Variants in VAMP4 observed in about 807,000 individuals in gnomAD.
VAMP4 encodes the protein vesicle-associated membrane protein 4.
VAMP4 carries 19 observed loss-of-function variants against 23.5 expected under a neutral mutation model. The ratio of observed to expected loss-of-function variants is 0.81; its 90% confidence interval spans 0.56 to 1.19. The LOEUF (loss-of-function observed/expected upper bound fraction) is 1.19, where lower values mean the gene tolerates loss of function less well. Ranked by LOEUF, VAMP4 falls within the 50% of genes most tolerant of loss-of-function variation. The pLI, the probability that VAMP4 is intolerant of heterozygous loss-of-function variation, is 0.00. For synonymous variants in VAMP4, 31 were observed against 51.0 expected, an observed-to-expected ratio of 0.61 and a Z score of 1.67; for missense variants, 145 against 168.6, an observed-to-expected ratio of 0.86 and a Z score of 0.78.
intron 6 of VAMP4, 27 bp from the exon 7 acceptor site, chr1:171,706,445 TTAA>T: frequency 6.3e-7 from 1 of 1,591,542 alleles, no homozygotes. Context: ...GGCATATATA[TTAA>T]TATTTGACTT....
intron 4 of VAMP4, among the ~76,000 whole-genome samples, chr1:171,714,118 G>A (rs532725420): frequency 6.6e-6 from 1 of 152,256 alleles, no homozygotes; most frequent in East Asian, 1.9e-4. Flanking sequence ...ACTCAATGAT[G>A]TAAAATCTCA....
At chr1:171,706,466 A>G (rs770959366) in intron 6 of VAMP4, 48 bp from the exon 7 acceptor site, 4 of 1,538,292 alleles carry the variant, frequency 2.6e-6, no homozygotes, top group Non-Finnish European at 2.7e-6. Context: ...CTTGTTAATA[A>G]AGTCAAGACT....
chr1:171,724,606 T>A (rs2124857637), intron 3 of VAMP4, among the ~76,000 whole-genome samples: 1 of 152,314 alleles, frequency 6.6e-6, no homozygotes, highest in South Asian at 2.1e-4. Context: ...ACTATGCTCA[T>A]GGGTCAGAAA....
At chr1:171,740,054 A>G (rs763599232) in intron 1 of VAMP4, among the ~76,000 whole-genome samples, 6 of 152,262 alleles carry the variant, frequency 3.9e-5, no homozygotes. Context: ...AGTGATACAC[A>G]TGCATTTTCT....
Position 171,703,710 on chromosome 1 carries a change from G to GGACT in VAMP4, c.*792_*795dup. 1 of 152,032 alleles carries GGACT rather than the reference G, an allele frequency of 6.6e-6. No individual in the cohort carries two copies. The highest frequency in any genetic ancestry group is 6.6e-5 in the Admixed American group (1 of 15,190). The allele number at this position is 152,032 out of a possible 1,614,324, so 9.4% of individuals were successfully genotyped here. ...CTGTAAATTTCATTTACTCACATTA[G>GGACT]GACTGACTGGTCTCTCTTTATTGGA... On this transcript the variant is annotated 3_prime_UTR_variant, in exon 8 of 8. Coordinates refer to ENST00000236192, the MANE Select transcript of VAMP4 (RefSeq NM_003762.5).
Position 171,719,055 on chromosome 1 carries a change from T to A in VAMP4, c.164+116A>T, listed in dbSNP as rs1006517662. 3.6e-6 allele frequency: 3 copies of A among 841,604 alleles called. No homozygotes were observed. In the Admixed American group the frequency reaches 8.4e-5, roughly 24 times the overall value. The allele number at this position is 841,604 out of a possible 1,614,324, so 52.1% of individuals were successfully genotyped here. Reference sequence around the variant, plus strand: ...ACAAATGGGCATGGCTATGTTCCAATAAAACTTTATTTACAAAAACAGGCT... The same window carrying A: ...ACAAATGGGCATGGCTATGTTCCAAAAAAACTTTATTTACAAAAACAGGCT... On this transcript the variant is annotated intron_variant, in intron 4 of 7. Coordinates refer to ENST00000236192, the MANE Select transcript of VAMP4 (RefSeq NM_003762.5).
At chr1:171,734,933 T>C (rs1655689978) in intron 2 of VAMP4, among the ~76,000 whole-genome samples, 1 of 152,350 alleles carries the variant, frequency 6.6e-6, no homozygotes, top group African/African-American at 2.4e-5. Flanking sequence ...TAAGGTTTAC[T>C]ATTGTTTTTC....
chr1:171,732,423 G>C (rs1054720207), intron 2 of VAMP4, among the ~76,000 whole-genome samples: 15 of 151,272 alleles, frequency 9.9e-5, no homozygotes, highest in East Asian at 3.9e-4. Flanking sequence ...TGTAGTCCTA[G>C]CTATTCAGCA....
chr1:171,700,597 T>C lies in VAMP4; in HGVS notation c.*3909A>G, dbSNP rs1654396023. 1 of 152,162 alleles carries C rather than the reference T, an allele frequency of 6.6e-6. No individual in the cohort carries two copies. Among genetic ancestry groups the C allele is most frequent in the Admixed American group, 6.5e-5 (1 of 15,288 alleles). 9.4% of individuals were successfully genotyped at this position (152,162 alleles called of 1,614,324 possible). On this transcript the variant is annotated 3_prime_UTR_variant, in exon 8 of 8. Transcript: ENST00000236192. Reference sequence around the variant, plus strand: ...AAGCCAGAGTTTTTCCACACCCAATTACAGTAGAAGAGCACCCCTATATCC... The same window carrying C: ...AAGCCAGAGTTTTTCCACACCCAATCACAGTAGAAGAGCACCCCTATATCC...
chr1:171,704,771 A>T (rs956037418), intron 7 of VAMP4, among the ~76,000 whole-genome samples: 2 of 152,050 alleles, frequency 1.3e-5, no homozygotes, highest in Non-Finnish European at 2.9e-5. Context: ...CATAGCTTGT[A>T]TCTGCTGTTA....
intron 3 of VAMP4, 121 bp from the exon 4 acceptor site, chr1:171,719,342 A>C: frequency 1.3e-6 from 1 of 770,326 alleles, no homozygotes; most frequent in African/African-American, 1.8e-5. Flanking sequence ...TGGATCAGTT[A>C]TTTATCATAA....
At position 171,703,939 on chromosome 1, in the gene VAMP4, TTAC is replaced by T. The variant is rs1654563174; in HGVS notation, c.*564_*566del. On this transcript the variant is annotated 3_prime_UTR_variant, in exon 8 of 8. Coordinates refer to ENST00000236192, the MANE Select transcript of VAMP4 (RefSeq NM_003762.5). ...TTCTCTTACACAGTCAAAAATATATTTACTGGAATGTTTTTAGTTATACCTGAG... is the reference window on the plus strand; with the variant it reads ...TTCTCTTACACAGTCAAAAATATATTTGGAATGTTTTTAGTTATACCTGAG... The T allele has an allele frequency of 6.6e-6, 1 of 152,434 alleles. No homozygotes were observed. The highest frequency in any genetic ancestry group is 1.5e-5 in the Non-Finnish European group (1 of 67,894). 9.4% of individuals were successfully genotyped at this position (152,434 alleles called of 1,614,324 possible).
intron 1 of VAMP4, 131 bp from the exon 2 acceptor site, chr1:171,738,594 C>G: frequency 1.7e-6 from 1 of 600,834 alleles, no homozygotes; most frequent in Admixed American, 3.2e-5. Flanking sequence ...TGCCCTCTCA[C>G]TTGTTCCACT....
chr1:171,719,074 A>G, intron 4 of VAMP4, 97 bp downstream of exon 4: 1 of 1,032,124 alleles, frequency 9.7e-7, no homozygotes, highest in South Asian at 1.6e-5. Context: ...ATTTACAAAA[A>G]CAGGCTGCAG....
At chr1:171,706,466 A>C (rs770959366) in intron 6 of VAMP4, 48 bp from the exon 7 acceptor site, 2 of 1,538,292 alleles carry the variant, frequency 1.3e-6, no homozygotes, top group African/African-American at 2.8e-5. Flanking sequence ...CTTGTTAATA[A>C]AGTCAAGACT....
intron 2 of VAMP4, among the ~76,000 whole-genome samples, chr1:171,733,924 C>A (rs540298019): frequency 2.6e-5 from 4 of 152,064 alleles, no homozygotes; most frequent in Admixed American, 1.3e-4. Context: ...TAGAAAAAAA[C>A]CCAAACATCT....
intron 4 of VAMP4, among the ~76,000 whole-genome samples, chr1:171,711,360 G>T (rs1378109546): frequency 1.3e-5 from 2 of 152,078 alleles, no homozygotes; most frequent in Non-Finnish European, 2.9e-5. Context: ...TCAATGGGTA[G>T]AATTCTTCAC....
rs529755992 is a variant in VAMP4 at position 171,727,403 on chromosome 1, A to T, written c.113+1121T>A. Among the ~76,000 whole-genome samples, 123 of 152,322 alleles carry T rather than the reference A, an allele frequency of 8.1e-4. No individual in the cohort carries two copies. The South Asian group carries it at 0.024, about 30-fold the overall frequency. ...TGTCATTAAGGAAATGCAAATTAAA[A>T]CCACAACAAGATACCACTACACATC... On this transcript the variant is annotated intron_variant, in intron 3 of 7. Coordinates refer to ENST00000236192, the MANE Select transcript of VAMP4 (RefSeq NM_003762.5).
chr1:171,708,034 TCATGCCTGTAATC>T (rs1654715965), intron 6 of VAMP4, among the ~76,000 whole-genome samples: 1 of 152,046 alleles, frequency 6.6e-6, no homozygotes, highest in Admixed American at 6.6e-5. Context: ...GTGTGGTGGC[TCATGCCTGTAATC>T]CAGCACTTTG....
Sources: gnomAD v4.1 joint callset for allele counts (sites outside exome capture counted in the v4.1 genomes callset) on GRCh38, gnomAD v4.1.1 for gene constraint, MANE v1.5 for transcripts, NCBI Gene and HGNC (gene_info 2026-07-23, HGNC 2026-07-21) for gene names.